The following COL25A1 variants were observed in gnomAD, a reference collection of about 807,000 sequenced individuals.
The protein encoded by COL25A1 is collagen alpha-1(XXV) chain.
COL25A1 carries 103 observed loss-of-function variants against 128.4 expected under a neutral mutation model. The observed-to-expected ratio is 0.80, with a 90% CI of 0.68 to 0.94. COL25A1 has a LOEUF of 0.94. COL25A1 is among the 40% of genes least tolerant of loss of function. The pLI is 0.00. For synonymous variants in COL25A1, 279 were observed against 277.2 expected (o/e 1.01, Z -0.06); for missense variants, 745 against 840.0 (o/e 0.89, Z 1.40).
chr4:109,230,966 C>G (rs2126220298), intron 3 of COL25A1, among the ~76,000 whole-genome samples: 1 of 152,024 alleles, frequency 6.6e-6, no homozygotes, highest in East Asian at 1.9e-4. Flanking sequence ...TGGTGAAACC[C>G]CATCTCTACT....
At chr4:108,908,537 G>T (rs1324679729) in intron 13 of COL25A1, among the ~76,000 whole-genome samples, 3 of 152,098 alleles carry the variant, frequency 2.0e-5, no homozygotes, top group Non-Finnish European at 4.4e-5. Flanking sequence ...TGGACTATTA[G>T]GTTTGCTTAT....
At chr4:108,995,965 GAAGCACTAAATAT>G (rs1754728332) in intron 6 of COL25A1, among the ~76,000 whole-genome samples, 1 of 152,092 alleles carries the variant, frequency 6.6e-6, no homozygotes, top group African/African-American at 2.4e-5. Flanking sequence ...GCTCCTGAAG[GAAGCACTAAATAT>G]GGAAAGGAAC....
intron 6 of COL25A1, among the ~76,000 whole-genome samples, chr4:109,001,394 G>GTAGGCATCTGAGATCCTGTCAGT: frequency 6.6e-6 from 1 of 152,188 alleles, no homozygotes; most frequent in East Asian, 1.9e-4. Context: ...ATCCTGTCAG[G>GTAGGCATCTGAGATCCTGTCAGT]TAGGCATCTG....
At chr4:108,924,736 T>C (rs1414115807) in intron 11 of COL25A1, among the ~76,000 whole-genome samples, 1 of 152,192 alleles carries the variant, frequency 6.6e-6, no homozygotes, top group Non-Finnish European at 1.5e-5. Context: ...TTCCCATACT[T>C]AAATATCTTT....
intron 3 of COL25A1, among the ~76,000 whole-genome samples, chr4:109,143,254 G>C (rs1050014354): frequency 2.0e-5 from 3 of 152,206 alleles, no homozygotes; most frequent in Non-Finnish European, 4.4e-5. Context: ...CTGGCTCGCA[G>C]GGTTTCTGCA....
chr4:109,171,756 G>A lies in COL25A1; in HGVS notation c.368-121577C>T, dbSNP rs148605451. Among the ~76,000 whole-genome samples, 509 of 152,228 alleles carry A rather than the reference G, an allele frequency of 3.3e-3. 1 individual carries two copies. The highest frequency in any genetic ancestry group is 0.012 in the African/African-American group (489 of 41,524). On this transcript the variant is annotated intron_variant, in intron 3 of 37. Coordinates refer to ENST00000399132, the MANE Select transcript of COL25A1 (RefSeq NM_198721.4). ...ACATATGTTTGTAGAACAAATGACG[G>A]CCACACACCTTGAAATGCATGCAAA...
intron 6 of COL25A1, among the ~76,000 whole-genome samples, chr4:109,005,218 G>C (rs1044209320): frequency 6.6e-6 from 1 of 152,158 alleles, no homozygotes; most frequent in African/African-American, 2.4e-5. Flanking sequence ...AGCAGCAAGA[G>C]AGAGGTGGCA....
chr4:108,941,993 A>G (rs748415559), intron 8 of COL25A1, among the ~76,000 whole-genome samples: 2 of 152,182 alleles, frequency 1.3e-5, no homozygotes, highest in Non-Finnish European at 2.9e-5. Context: ...TGTTCACAGT[A>G]CCTGTTTGAT....
At chr4:109,013,014 C>T (rs1756801545) in intron 5 of COL25A1, among the ~76,000 whole-genome samples, 2 of 152,266 alleles carry the variant, frequency 1.3e-5, no homozygotes, top group African/African-American at 2.4e-5. Context: ...GTGTCTAGCT[C>T]AGGGTTCGTG....
intron 16 of COL25A1, among the ~76,000 whole-genome samples, chr4:108,893,086 A>G (rs1263455247): frequency 6.6e-6 from 1 of 152,232 alleles, no homozygotes; most frequent in Admixed American, 6.5e-5. Flanking sequence ...AAAGGCTCAG[A>G]GGATGCAAGT....
intron 3 of COL25A1, among the ~76,000 whole-genome samples, chr4:109,263,467 G>T (rs745768375): frequency 1.1e-4 from 16 of 152,166 alleles, no homozygotes; most frequent in Non-Finnish European, 2.9e-5. Flanking sequence ...AATGATATAA[G>T]TGTAATGAGC....
chr4:109,207,093 C>T (rs1015240557), intron 3 of COL25A1, among the ~76,000 whole-genome samples: 6 of 152,194 alleles, frequency 3.9e-5, no homozygotes, highest in African/African-American at 1.4e-4. Flanking sequence ...ATATCCAACA[C>T]TTTAATGACT....
At chr4:109,076,746 C>A (rs1376749892) in intron 3 of COL25A1, among the ~76,000 whole-genome samples, 4 of 151,772 alleles carry the variant, frequency 2.6e-5, no homozygotes, top group Non-Finnish European at 5.9e-5. Context: ...ACTAGATGGT[C>A]CCATCTGGGG....
chr4:109,136,752 T>C (rs1434490034), intron 3 of COL25A1, among the ~76,000 whole-genome samples: 2 of 152,262 alleles, frequency 1.3e-5, no homozygotes, highest in Non-Finnish European at 2.9e-5. Flanking sequence ...GACCCCCAGC[T>C]GGTGCAGTCG....
At chr4:108,890,769 T>A (rs555856804) in intron 16 of COL25A1, among the ~76,000 whole-genome samples, 1 of 152,234 alleles carries the variant, frequency 6.6e-6, no homozygotes, top group South Asian at 2.1e-4. Flanking sequence ...TGTTCTAGAT[T>A]CCAGAAGCTG....
At chr4:109,024,209 A>C (rs1758030417) in intron 5 of COL25A1, among the ~76,000 whole-genome samples, 1 of 152,074 alleles carries the variant, frequency 6.6e-6, no homozygotes, top group South Asian at 2.1e-4. Context: ...TAGGTGTATT[A>C]AATGCATTTT....
rs150542420 is a variant in COL25A1, at chr4:109,212,299, T to C, written c.367+88284A>G. Among the ~76,000 whole-genome samples the C allele has an allele frequency of 3.5e-4, 54 of 152,254 alleles. 1 individual carries two copies. The highest frequency in any genetic ancestry group is 1.3e-3 in the African/African-American group (52 of 41,560). ...CCTGGGCTGGACATCTAAGATGGCT[T>C]ATGCACCTGGCCAGCAGCTAATGCT... On this transcript the variant is annotated intron_variant, in intron 3 of 37. Coordinates refer to ENST00000399132, the MANE Select transcript of COL25A1 (RefSeq NM_198721.4).
chr4:109,186,708 C>T (rs1241879034), intron 3 of COL25A1, among the ~76,000 whole-genome samples: 2 of 152,176 alleles, frequency 1.3e-5, no homozygotes, highest in Non-Finnish European at 2.9e-5. Flanking sequence ...GATTTCCCCA[C>T]CTGGGGATAA....
At chr4:108,832,973 T>TAATAAATAAATAAATAAATA (rs67907672) in intron 31 of COL25A1, among the ~76,000 whole-genome samples, 10,357 of 106,026 alleles carry the variant, frequency 0.098, 397 homozygotes, top group African/African-American at 0.1. Context: ...TCTCAAAAAA[T>TAATAAATAAATAAATAAATA]AATAAATAAA....
Sources: gnomAD v4.1 joint callset for allele counts (sites outside exome capture counted in the v4.1 genomes callset) on GRCh38, gnomAD v4.1.1 for gene constraint, MANE v1.5 for transcripts, NCBI Gene and HGNC (gene_info 2026-07-23, HGNC 2026-07-21) for gene names.